Variants in CSMD1 observed in about 807,000 individuals in gnomAD.
The protein encoded by CSMD1 is CUB and Sushi multiple domains 1, also known as CUB and sushi domain-containing protein 1.
Under a neutral mutation model 417.5 loss-of-function variants are expected in CSMD1, and 213 were observed. The observed-to-expected ratio is 0.51, with a 90% confidence interval of 0.46 to 0.57. The LOEUF (loss-of-function observed/expected upper bound fraction) is 0.57. Among genes scored for constraint, CSMD1 ranks in the 20% least tolerant of loss-of-function variants. CSMD1 has a pLI of 0.00. For missense variants in CSMD1, 6,923 were observed against 4,529.7 expected (o/e 1.53, Z -15.17); for synonymous variants, 2,862 against 1,736.8 (o/e 1.65, Z -16.11).
At chr8:3,004,591 TA>T (rs767122327) in intron 52 of CSMD1, among the ~76,000 whole-genome samples, 5 of 152,254 alleles carry the variant, frequency 3.3e-5, no homozygotes, top group Non-Finnish European at 7.3e-5. Context: ...ATAGACAATG[TA>T]AATATATCCT....
intron 3 of CSMD1, among the ~76,000 whole-genome samples, chr8:4,073,483 G>C (rs1485418880): frequency 6.6e-6 from 1 of 152,058 alleles, no homozygotes; most frequent in African/African-American, 2.4e-5. Context: ...TCATTTTCTG[G>C]CTGTCCTCAT....
At chr8:3,347,750 G>C (rs978988959) in intron 22 of CSMD1, among the ~76,000 whole-genome samples, 2 of 152,166 alleles carry the variant, frequency 1.3e-5, no homozygotes, top group Non-Finnish European at 2.9e-5. Flanking sequence ...CTTTCATAAG[G>C]TGCTGGACTG....
At chr8:3,612,556 C>T (rs1317737931) in intron 8 of CSMD1, among the ~76,000 whole-genome samples, 1 of 152,058 alleles carries the variant, frequency 6.6e-6, no homozygotes, top group Non-Finnish European at 1.5e-5. Flanking sequence ...TATTCTTGCC[C>T]ATAAAGCAAT....
chr8:3,024,296 T>TGGG (rs201472239), intron 51 of CSMD1, among the ~76,000 whole-genome samples: 2 of 96,702 alleles, frequency 2.1e-5, no homozygotes, highest in African/African-American at 7.1e-5. Context: ...AGGTTTTTTT[T>TGGG]GGGGGGGGAG....
chr8:4,463,336 G>C (rs965763074), intron 2 of CSMD1, among the ~76,000 whole-genome samples: 3 of 152,184 alleles, frequency 2.0e-5, no homozygotes, highest in Admixed American at 6.5e-5. Flanking sequence ...TGGCTGGTGA[G>C]AATATAGAAT....
intron 2 of CSMD1, among the ~76,000 whole-genome samples, chr8:4,437,063 G>C (rs1310467239): frequency 6.6e-6 from 1 of 152,066 alleles, no homozygotes; most frequent in African/African-American, 2.4e-5. Context: ...GTAATTTAAT[G>C]GGACAGGCTA....
chr8:4,098,466 G>T (rs535914115), intron 3 of CSMD1, among the ~76,000 whole-genome samples: 41 of 152,146 alleles, frequency 2.7e-4, no homozygotes, highest in South Asian at 6.2e-4. Flanking sequence ...ATTGTTCCAT[G>T]TTGGAAGTTG....
intron 3 of CSMD1, among the ~76,000 whole-genome samples, chr8:4,198,128 T>C (rs1304136989): frequency 1.3e-5 from 2 of 152,216 alleles, no homozygotes; most frequent in African/African-American, 4.8e-5. Flanking sequence ...AGAAGGTTCT[T>C]TGAGTTGAGT....
chr8:4,453,781 C>G (rs1334425286), intron 2 of CSMD1, among the ~76,000 whole-genome samples: 1 of 150,268 alleles, frequency 6.7e-6, no homozygotes, highest in Non-Finnish European at 1.5e-5. Context: ...CAGCTTTCAC[C>G]CAGGTTCCCG....
At chr8:4,160,975 G>A (rs757955719) in intron 3 of CSMD1, among the ~76,000 whole-genome samples, 23 of 152,128 alleles carry the variant, frequency 1.5e-4, no homozygotes, top group Non-Finnish European at 1.5e-4. Context: ...TATAAAAATT[G>A]TTAATTATTC....
intron 3 of CSMD1, among the ~76,000 whole-genome samples, chr8:4,064,692 C>T (rs578119310): frequency 6.6e-6 from 1 of 152,326 alleles, no homozygotes; most frequent in Admixed American, 6.5e-5. Flanking sequence ...TGCTGCTGCC[C>T]TGGCGTGTTG....
chr8:4,312,390 TATAC>T (rs149963335), intron 3 of CSMD1, among the ~76,000 whole-genome samples: 895 of 64,232 alleles, frequency 0.014, 45 homozygotes, highest in East Asian at 0.029. Context: ...TATATATATA[TATAC>T]ATACATATAT....
chr8:4,333,659 C>A (rs56275134), intron 3 of CSMD1, among the ~76,000 whole-genome samples: 1 of 152,198 alleles, frequency 6.6e-6, no homozygotes, highest in African/African-American at 2.4e-5. Context: ...GAGAACACAT[C>A]ATTTTATAAG....
At chr8:3,915,196 A>C (rs1808733304) in intron 5 of CSMD1, among the ~76,000 whole-genome samples, 2 of 152,110 alleles carry the variant, frequency 1.3e-5, no homozygotes, top group Admixed American at 1.3e-4. Context: ...ACCTAAGGTC[A>C]GGATTTCGAG....
At chr8:3,998,577 T>C (rs1433809181) in intron 4 of CSMD1, among the ~76,000 whole-genome samples, 6 of 152,196 alleles carry the variant, frequency 3.9e-5, no homozygotes, top group Non-Finnish European at 7.3e-5. Context: ...TTGGGATTAA[T>C]TTGGGTTTTG....
intron 18 of CSMD1, among the ~76,000 whole-genome samples, chr8:3,383,047 G>T (rs1297182554): frequency 2.0e-5 from 3 of 152,192 alleles, no homozygotes; most frequent in Non-Finnish European, 4.4e-5. Flanking sequence ...GCCAGCGCAT[G>T]TAGATAGCCA....
In CSMD1 at chr8:3,087,180, C is replaced by G. The variant is rs552956828; in HGVS notation, c.7391G>C (p.Arg2464Pro). 6.2e-7 allele frequency: 1 copy of G among 1,613,844 alleles called. No homozygotes were observed. Among genetic ancestry groups the G allele is most frequent in the Non-Finnish European group, 8.5e-7 (1 of 1,179,902 alleles). The change falls in exon 49 of 70, where the codon CGA becomes CCA. Residue 2464 changes from arginine (R) to proline (P), a missense_variant. By Grantham distance (103) the Arg-to-Pro change is moderately radical. Coordinates refer to ENST00000635120, the MANE Select transcript of CSMD1 (RefSeq NM_033225.6). ...GGTTGCATTGCTGTGGCCGACCATTCGGTATCCAGGCTTGCAAAAATAATG... is the reference window on the plus strand; with the variant it reads ...GGTTGCATTGCTGTGGCCGACCATTGGGTATCCAGGCTTGCAAAAATAATG... ...KVHYFCKPGY[R>P]MVGHSNATCR...
chr8:4,716,075 G>C (rs1433581365), intron 1 of CSMD1, among the ~76,000 whole-genome samples: 1 of 152,196 alleles, frequency 6.6e-6, no homozygotes, highest in Non-Finnish European at 1.5e-5. Flanking sequence ...GCTGCTGTTA[G>C]AGCTGGGTTG....
rs1425156388 is a variant in CSMD1, at chr8:4,201,286, C to A, written c.416-169187G>T. The stretch of plus-strand genomic sequence containing the variant: ...GGGCGCAGTGGCTCACGCCTGTAAT[C>A]CCAGCACTTTGGGAGGCCGAGGCGG... On this transcript the variant is annotated intron_variant, in intron 3 of 69. Coordinates refer to ENST00000635120, the MANE Select transcript of CSMD1 (RefSeq NM_033225.6). Among the ~76,000 whole-genome samples the A allele has an allele frequency of 3.3e-5, 5 of 152,090 alleles. No individual in the cohort carries two copies. In the East Asian group the frequency reaches 7.7e-4, roughly 24 times the overall value.
Sources: allele counts gnomAD v4.1 joint callset (sites outside exome capture counted in the v4.1 genomes callset), GRCh38; gene constraint gnomAD v4.1.1; transcripts MANE v1.5; gene names NCBI Gene and HGNC (gene_info 2026-07-23, HGNC 2026-07-21).